Variants in THSD7B observed in about 807,000 individuals in gnomAD.
THSD7B encodes thrombospondin type-1 domain-containing protein 7B.
A neutral mutation model predicts 213.6 loss-of-function variants in THSD7B; 138 were observed. The observed-to-expected ratio is 0.65, with a 90% confidence interval of 0.56 to 0.74. The LOEUF is 0.74. Ranked by LOEUF, THSD7B falls within the 30% of genes least tolerant of loss-of-function variation. The pLI is 0.00. For missense variants in THSD7B, 1,931 were observed against 1,991.5 expected (o/e 0.97, Z 0.58); for synonymous variants, 742 against 687.0 (o/e 1.08, Z -1.25).
At chr2:137,164,599 T>C (rs1428006122) in intron 6 of THSD7B, among the ~76,000 whole-genome samples, 2 of 152,210 alleles carry the variant, frequency 1.3e-5, no homozygotes. Context: ...GTTGTGGCAC[T>C]ACTCACAATA....
chr2:136,866,616 G>T (rs1558831196), intron 1 of THSD7B, among the ~76,000 whole-genome samples: 1 of 152,118 alleles, frequency 6.6e-6, no homozygotes, highest in Non-Finnish European at 1.5e-5. Context: ...TTTAAGAATT[G>T]TACCTAATTA....
intron 13 of THSD7B, among the ~76,000 whole-genome samples, chr2:137,407,371 C>T (rs1017230222): frequency 1.3e-5 from 2 of 151,630 alleles, no homozygotes; most frequent in African/African-American, 2.4e-5. Flanking sequence ...GCTAATTGAC[C>T]TTTGTGTATC....
intron 2 of THSD7B, among the ~76,000 whole-genome samples, chr2:136,931,417 A>G (rs1046289228): frequency 1.3e-5 from 2 of 152,160 alleles, no homozygotes; most frequent in Non-Finnish European, 2.9e-5. Flanking sequence ...TTGGTTCCAA[A>G]CCAGTGCTCT....
chr2:136,899,513 C>A (rs2059974), intron 2 of THSD7B, among the ~76,000 whole-genome samples: 79,866 of 152,036 alleles, frequency 0.53, 22,125 homozygotes, highest in East Asian at 0.83. Context: ...ACTTCAGTTT[C>A]CAGTGAAGCA....
intron 12 of THSD7B, among the ~76,000 whole-genome samples, chr2:137,393,236 T>G (rs1408235311): frequency 6.6e-6 from 1 of 151,710 alleles, no homozygotes; most frequent in African/African-American, 2.4e-5. Flanking sequence ...TGTATACATG[T>G]GCCATGCTGG....
intron 14 of THSD7B, among the ~76,000 whole-genome samples, chr2:137,440,462 C>T (rs1573626955): frequency 1.4e-5 from 2 of 144,592 alleles, no homozygotes; most frequent in African/African-American, 5.0e-5. Flanking sequence ...CTCACCTTAC[C>T]TTTTTTTTTT....
At chr2:137,077,669 GTTGT>G (rs1687659033) in intron 3 of THSD7B, among the ~76,000 whole-genome samples, 2 of 151,810 alleles carry the variant, frequency 1.3e-5, no homozygotes, top group African/African-American at 2.4e-5. Context: ...TTTTGATGGG[GTTGT>G]TTGTTTTTTT....
chr2:137,219,691 A>G (rs563645079), intron 7 of THSD7B, among the ~76,000 whole-genome samples: 1 of 152,330 alleles, frequency 6.6e-6, no homozygotes, highest in South Asian at 2.1e-4. Context: ...TTATGCATTA[A>G]GTAGACTAAA....
chr2:137,139,240 A>T (rs1251186502), intron 5 of THSD7B, among the ~76,000 whole-genome samples: 1 of 152,184 alleles, frequency 6.6e-6, no homozygotes, highest in African/African-American at 2.4e-5. Flanking sequence ...GGGTCAGTAG[A>T]GTAAGTGCAT....
chr2:137,297,371 C>T, intron 12 of THSD7B, among the ~76,000 whole-genome samples: 1 of 150,944 alleles, frequency 6.6e-6, no homozygotes. Context: ...TCTTCTTTCC[C>T]CAGCATTTCC....
intron 12 of THSD7B, among the ~76,000 whole-genome samples, chr2:137,325,044 G>A (rs767589244): frequency 3.9e-5 from 6 of 152,204 alleles, no homozygotes; most frequent in East Asian, 1.9e-4. Flanking sequence ...AGGCATTGGC[G>A]TTAAGCAGTG....
chr2:137,636,641 A>G (rs2104856948), intron 20 of THSD7B, among the ~76,000 whole-genome samples: 1 of 152,098 alleles, frequency 6.6e-6, no homozygotes, highest in Admixed American at 6.6e-5. Flanking sequence ...TTTAAGTGGC[A>G]TTTTTTTTCT....
intron 1 of THSD7B, among the ~76,000 whole-genome samples, chr2:136,772,927 A>C (rs1291635080): frequency 6.6e-6 from 1 of 152,120 alleles, no homozygotes; most frequent in African/African-American, 2.4e-5. Flanking sequence ...TCTTGTAACT[A>C]TTTCTAAACA....
At chr2:137,226,780 A>G (rs1004527515) in intron 7 of THSD7B, among the ~76,000 whole-genome samples, 17 of 149,394 alleles carry the variant, frequency 1.1e-4, no homozygotes, top group African/African-American at 3.6e-4. Context: ...AAACAAGTAT[A>G]TGCACATGCA....
intron 25 of THSD7B, among the ~76,000 whole-genome samples, chr2:137,663,078 A>AAG (rs1553467961): frequency 6.6e-5 from 10 of 151,480 alleles, no homozygotes; most frequent in African/African-American, 2.2e-4. Flanking sequence ...AAAAAAAAAA[A>AAG]GACAAAAAGA....
At chr2:137,018,809 C>T (rs1476683583) in intron 2 of THSD7B, among the ~76,000 whole-genome samples, 2 of 152,116 alleles carry the variant, frequency 1.3e-5, no homozygotes, top group Non-Finnish European at 2.9e-5. Context: ...AGTGTTATCC[C>T]ATTACCAATG....
At chr2:137,236,929 G>A (rs539985819) in intron 9 of THSD7B, among the ~76,000 whole-genome samples, 1 of 152,164 alleles carries the variant, frequency 6.6e-6, no homozygotes, top group South Asian at 2.1e-4. Flanking sequence ...TGGCCAACAT[G>A]GTGAAACCCC....
chr2:137,625,601 G>T (rs13423134), intron 20 of THSD7B, among the ~76,000 whole-genome samples: 1 of 152,080 alleles, frequency 6.6e-6, no homozygotes, highest in Non-Finnish European at 1.5e-5. Context: ...CATGTCCTGG[G>T]CATACTGGTG....
At chr2:137,049,336 A>G (rs1365653031) in intron 2 of THSD7B, among the ~76,000 whole-genome samples, 2 of 152,212 alleles carry the variant, frequency 1.3e-5, no homozygotes, top group South Asian at 4.1e-4. Context: ...AAGGGATATC[A>G]TTGCTACAAA....
Sources: gnomAD v4.1 joint callset for allele counts (sites outside exome capture counted in the v4.1 genomes callset) on GRCh38, gnomAD v4.1.1 for gene constraint, MANE v1.5 for transcripts, NCBI Gene and HGNC (gene_info 2026-07-23, HGNC 2026-07-21) for gene names.